CCDC57: variants seen among roughly 807,000 people sequenced by gnomAD.
CCDC57 encodes coiled-coil domain containing 57.
In CCDC57, 118 loss-of-function variants were observed where a neutral mutation model predicts 118.9. The ratio of observed to expected loss-of-function variants is 0.99; its 90% CI spans 0.86 to 1.16. The LOEUF (loss-of-function observed/expected upper bound fraction) is 1.16. Ranked by LOEUF, CCDC57 falls within the 50% of genes most tolerant of loss-of-function variation. The pLI is 0.00. For missense variants in CCDC57, 1,300 were observed against 1,320.7 expected, an observed-to-expected ratio of 0.98 and a Z score of 0.24; for synonymous variants, 527 against 532.9, an observed-to-expected ratio of 0.99 and a Z score of 0.15.
chr17:82,178,417 T>A (rs2045792674), intron 11 of CCDC57, 57 bp downstream of exon 10: 2 of 1,530,572 alleles, frequency 1.3e-6, no homozygotes, highest in Non-Finnish European at 1.8e-6. Flanking sequence ...GATCTGGTCC[T>A]ATTTTCCCAC....
chr17:82,184,031 GCACACACACACACACACACA>G lies in CCDC57; in HGVS notation c.1053-119_1053-100del, dbSNP rs71166198. The G allele has an allele frequency of 1.6e-4, 21 of 131,896 alleles. 1 individual carries two copies. The highest frequency in any genetic ancestry group is 1.4e-3 in the Middle Eastern group (1 of 740). The allele number at this position is 131,896 out of a possible 1,614,324, so 8.2% of individuals were successfully genotyped here. ...CAAATACACATGCGCGCGCGCGCGCGCACACACACACACACACACACACACACACACACACACACACACAC... is the reference window on the plus strand; with the variant it reads ...CAAATACACATGCGCGCGCGCGCGCGCACACACACACACACACACACACAC... On this transcript the variant is annotated intron_variant, in intron 8 of 19. Coordinates refer to ENST00000665763, the Ensembl canonical transcript of CCDC57.
chr17:82,163,444 CT>C, intron 13 of CCDC57, 87 bp from the exon 13 acceptor site: 8 of 1,511,738 alleles, frequency 5.3e-6, no homozygotes, highest in Non-Finnish European at 6.3e-6. Context: ...TCAGCTCTCC[CT>C]TTCCCGTGAG....
intron 6 of CCDC57, 54 bp from the exon 6 acceptor site, chr17:82,193,884 A>G (rs1226797501): frequency 6.4e-7 from 1 of 1,568,678 alleles, no homozygotes; most frequent in African/African-American, 1.4e-5. Context: ...AGCAAAGACC[A>G]GCCTGGAATG....
At chr17:82,188,546 G>T in intron 7 of CCDC57, 127 bp from the exon 7 acceptor site, 1 of 973,834 alleles carries the variant, frequency 1.0e-6, no homozygotes, top group Non-Finnish European at 1.5e-6. Flanking sequence ...TCAAGGCTTC[G>T]CAGCAGCCAC....
chr17:82,194,253 CAAG>C lies in CCDC57; in HGVS notation c.619-117_619-115del, dbSNP rs574261291. ...GGGAGGGAGAAGAAAAATGAAAATT[CAAG>C]AAGCAGTAAAACAGTGAGAATGTCC... On this transcript the variant is annotated intron_variant, in intron 5 of 19. Coordinates refer to ENST00000665763, the Ensembl canonical transcript of CCDC57. 8 of 1,102,348 alleles carry C rather than the reference CAAG, an allele frequency of 7.3e-6. No individual in the cohort carries two copies. The South Asian group carries it at 1.2e-4, about 17-fold the overall frequency. 68.3% of individuals were successfully genotyped at this position (1,102,348 alleles called of 1,614,324 possible).
chr17:82,151,696 G>A (rs768985201), exon 16 of CCDC57: 9 of 1,550,352 alleles, frequency 5.8e-6, no homozygotes, highest in South Asian at 1.2e-5. Flanking sequence ...AGGTCTGGGG[G>A]GCACGTGCCA....
exon 8 of CCDC57, chr17:82,188,306 G>A: frequency 6.2e-7 from 1 of 1,600,568 alleles, no homozygotes; most frequent in Non-Finnish European, 8.5e-7. Flanking sequence ...CTCGCAGTGG[G>A]CCTGCAGCTC....
At chr17:82,156,603 C>T (rs908527475) in intron 15 of CCDC57, 1 of 152,304 alleles carries the variant, frequency 6.6e-6, no homozygotes, top group Non-Finnish European at 1.5e-5. Flanking sequence ...GCTGGAGACC[C>T]CTGAGGACAA....
intron 19 of CCDC57, chr17:82,107,352 T>TG (rs1304592465): frequency 6.8e-6 from 3 of 443,868 alleles, no homozygotes; most frequent in Admixed American, 2.4e-5. Context: ...GGCACCCGGG[T>TG]GGGGCACAGA....
rs184824111 is a variant in CCDC57 at position 82,152,383 on chromosome 17, G to A, written c.2242-610C>T. ...TGGCTTCCCTCCTGAAGCAGGTGCA[G>A]GGGGAGCACAAAGGCAGTGGAGAGG... is the stretch of plus-strand genomic sequence containing the variant. On this transcript the variant is annotated intron_variant, in intron 15 of 19. Transcript: ENST00000665763. 854 of 155,438 alleles carry A rather than the reference G, an allele frequency of 5.5e-3. 7 individuals carry two copies. The highest frequency in any genetic ancestry group is 6.0e-3 in the Non-Finnish European group (424 of 70,110). 9.6% of individuals were successfully genotyped at this position (155,438 alleles called of 1,614,324 possible).
At chr17:82,143,150 CAAA>C (rs11324139) in intron 16 of CCDC57, among the ~76,000 whole-genome samples, 3 of 141,798 alleles carry the variant, frequency 2.1e-5, no homozygotes, top group Admixed American at 7.0e-5. Context: ...GAAACTCCGT[CAAA>C]AAAAAAAAAG....
intron 16 of CCDC57, among the ~76,000 whole-genome samples, chr17:82,148,316 A>C (rs1187822383): frequency 5.2e-5 from 3 of 57,564 alleles, no homozygotes; most frequent in African/African-American, 1.5e-4. Context: ...TGAATGGATA[A>C]ATGGGTGGGT....
At chr17:82,154,994 C>T (rs2042511298) in intron 15 of CCDC57, 1 of 152,306 alleles carries the variant, frequency 6.6e-6, no homozygotes, top group African/African-American at 2.4e-5. Flanking sequence ...TCTGTTTGGG[C>T]TTGCCTGAGG....
intron 2 of CCDC57, among the ~76,000 whole-genome samples, chr17:82,203,703 T>C (rs915371118): frequency 1.3e-5 from 2 of 152,094 alleles, no homozygotes; most frequent in Non-Finnish European, 1.5e-5. Flanking sequence ...ATGAGCTCGA[T>C]TTGGACACAG....
At chr17:82,145,404 G>A in intron 16 of CCDC57, among the ~76,000 whole-genome samples, 1 of 151,722 alleles carries the variant, frequency 6.6e-6, no homozygotes. Context: ...AAAATTAGCT[G>A]GGCATGGTGG....
intron 1 of CCDC57, among the ~76,000 whole-genome samples, chr17:82,210,104 C>A (rs940347346): frequency 8.5e-5 from 13 of 152,068 alleles, no homozygotes; most frequent in African/African-American, 2.9e-4. Context: ...GAGAGGCCAA[C>A]TTGAAGGGGC....
intron 17 of CCDC57, among the ~76,000 whole-genome samples, chr17:82,131,701 G>A (rs1202155646): frequency 2.0e-5 from 3 of 151,062 alleles, no homozygotes; most frequent in African/African-American, 7.3e-5. Context: ...GCAATAAGCC[G>A]AGACTGTGCC....
rs998851720 is a variant in CCDC57, at chr17:82,143,570, A to C, written c.2455+7990T>G. ...ACACGTGTCAGGGAGCACGTCTGAC[A>C]TGCCCCGTAAGATCTCCAGAAGAGA... On this transcript the variant is annotated intron_variant, in intron 16 of 19. Transcript: ENST00000665763. 6.6e-5 allele frequency among the ~76,000 whole-genome samples: 10 copies of C among 152,180 alleles called. No individual in the cohort carries two copies. The South Asian group carries it at 1.2e-3, about 19-fold the overall frequency.
chr17:82,122,347 C>T (rs1026952842), intron 19 of CCDC57, among the ~76,000 whole-genome samples: 2 of 112,268 alleles, frequency 1.8e-5, no homozygotes, highest in African/African-American at 6.9e-5. Context: ...CTGCTGCAGA[C>T]CCTTTGCAAG....
Sources: gnomAD v4.1 joint callset for allele counts (sites outside exome capture counted in the v4.1 genomes callset) on GRCh38, gnomAD v4.1.1 for gene constraint, MANE v1.5 for transcripts, NCBI Gene and HGNC (gene_info 2026-07-23, HGNC 2026-07-21) for gene names.